The following PLXND1 variants were observed in gnomAD, a reference collection of about 807,000 sequenced individuals.
PLXND1 encodes the protein plexin-D1.
A neutral mutation model predicts 197.7 loss-of-function variants in PLXND1; 54 were observed. That is an observed-to-expected ratio of 0.27 (90% confidence interval 0.22 to 0.34). The LOEUF is 0.34. Ranked by LOEUF, PLXND1 falls within the 10% of genes least tolerant of loss-of-function variation. PLXND1 has a pLI of 1.00. For synonymous variants in PLXND1, 1,180 were observed against 1,161.2 expected, an observed-to-expected ratio of 1.02 and a Z score of -0.33; for missense variants, 2,127 against 2,699.2, an observed-to-expected ratio of 0.79 and a Z score of 4.70.
rs927216248 is a variant in PLXND1 at position 129,557,617 on chromosome 3, G to A, written c.5446-394C>T. 5.3e-5 allele frequency among the ~76,000 whole-genome samples: 8 copies of A among 152,286 alleles called. No individual in the cohort carries two copies. The highest frequency in any genetic ancestry group is 3.4e-3 in the Middle Eastern group (1 of 292). ...TGGAAGCCTGAGTGCTGGCTCAGTG[G>A]AATATTTCCCACCACATGCTCCTAA... On this transcript the variant is annotated intron_variant, in intron 33 of 35. Coordinates refer to ENST00000324093, the MANE Select transcript of PLXND1 (RefSeq NM_015103.3). The surrounding 1 kb of genome is among the most constrained non-coding windows in gnomAD (Gnocchi z 4.8).
intron 29 of PLXND1, among the ~76,000 whole-genome samples, chr3:129,561,442 G>C (rs557817053): frequency 6.6e-6 from 1 of 152,346 alleles, no homozygotes; most frequent in South Asian, 2.1e-4. Flanking sequence ...AGCTGCCGCA[G>C]GAAATCAGCT....
rs1445315536 is a variant in PLXND1, at chr3:129,573,742, C to T, written c.2689G>A (p.Glu897Lys). The change falls in exon 13 of 36, where the codon GAG becomes AAG. Residue 897 changes from glutamate to lysine, a missense_variant. Transcript: ENST00000324093. ...TCPAPEIHAI[E>K]PLSGPLDGGT... ...CCGTCCAACGGGCCACTCAGGGGCT[C>T]AATCTGCCAGGTGACCCGAGAGAGG... 9 of 1,613,078 alleles carry T rather than the reference C, an allele frequency of 5.6e-6. No homozygotes were observed. The highest frequency in any genetic ancestry group is 7.6e-6 in the Non-Finnish European group (9 of 1,179,826).
intron 1 of PLXND1, among the ~76,000 whole-genome samples, chr3:129,601,051 C>T (rs1337618403): frequency 6.6e-6 from 1 of 152,098 alleles, no homozygotes; most frequent in African/African-American, 2.4e-5. Context: ...CAGTCTGCCC[C>T]ACCTTGTTGG....
intron 1 of PLXND1, among the ~76,000 whole-genome samples, chr3:129,598,742 C>T (rs9847824): frequency 0.12 from 18,487 of 152,080 alleles, 1,375 homozygotes; most frequent in East Asian, 0.37. Context: ...CACACCCCTT[C>T]GGTCAAAGAT....
intron 24 of PLXND1, 82 bp from the exon 25 acceptor site, chr3:129,565,620 C>T (rs1482740364): frequency 4.0e-6 from 5 of 1,241,242 alleles, no homozygotes; most frequent in Admixed American, 3.9e-5. Context: ...GCCTCATCCC[C>T]GGGCCCATCG....
Position 129,565,424 on chromosome 3 carries a change from G to A in PLXND1, c.4437C>T (p.Pro1479=), listed in dbSNP as rs772292827. 6.2e-7 allele frequency: 1 copy of A among 1,614,138 alleles called. No homozygotes were observed. The highest frequency in any genetic ancestry group is 1.1e-5 in the South Asian group (1 of 91,082). Residue 1479 remains proline (P), a synonymous_variant, in exon 25 of 36, where the codon CCC becomes CCT. Coordinates refer to ENST00000324093, the MANE Select transcript of PLXND1 (RefSeq NM_015103.3). ...ACTCTGTGCGCCGCAGCATGAGCTT[G>A]GGGTTCTTGGCGGCCGAGGCGTCAA... The part of the protein sequence containing the change: ...DLIDASAAKN[P]KLMLRRTESV...
At chr3:129,578,170 G>A (rs1489958320) in intron 9 of PLXND1, among the ~76,000 whole-genome samples, 159 bp downstream of exon 9, 9 of 152,238 alleles carry the variant, frequency 5.9e-5, no homozygotes, top group Non-Finnish European at 1.0e-4. Context: ...CATGCAGAAG[G>A]TGGAAACTCA....
intron 2 of PLXND1, among the ~76,000 whole-genome samples, chr3:129,587,597 C>A (rs185538438): frequency 3.3e-5 from 5 of 152,198 alleles, no homozygotes; most frequent in African/African-American, 1.2e-4. Context: ...CCGGACACCT[C>A]CCAGGCCAGT....
chr3:129,556,676 A>ACTC lies in PLXND1; in HGVS notation c.5599_5601dup (p.Glu1867dup). The ACTC allele has an allele frequency of 1.2e-6, 2 of 1,612,544 alleles. No individual in the cohort carries two copies. Among genetic ancestry groups the ACTC allele is most frequent in the Non-Finnish European group, 1.7e-6 (2 of 1,178,956 alleles). Reference sequence around the variant, plus strand: ...TCTGCCATGGCCACATTGGTGTTGAACTCATTCTGGTATTTCTATAAGGAG... The same window carrying ACTC: ...TCTGCCATGGCCACATTGGTGTTGAACTCCTCATTCTGGTATTTCTATAAGGAG... On this transcript the variant is annotated inframe_insertion, in exon 35 of 36. Transcript: ENST00000324093.
Position 129,574,450 on chromosome 3 carries a change from G to A in PLXND1, c.2571C>T (p.Ser857=). 1 of 1,613,166 alleles carries A rather than the reference G, an allele frequency of 6.2e-7. No homozygotes were observed. The highest frequency in any genetic ancestry group is 8.5e-7 in the Non-Finnish European group (1 of 1,179,942). The change falls in exon 12 of 36, where the codon TCC becomes TCT. Residue 857 remains serine (S), a synonymous_variant. Coordinates refer to ENST00000324093, the MANE Select transcript of PLXND1 (RefSeq NM_015103.3). ...CCAGGTCTTCGCGGCCCAGGCACTG[G>A]GAACAGTCGGGGCTGCCCATGGCAC... The part of the protein sequence containing the change: ...YNCAMGSPDC[S]QCLGREDLGH...
rs1286053555 is a variant in PLXND1 at position 129,571,130 on chromosome 3, C to T, written c.3510G>A (p.Leu1170=). 5.6e-6 allele frequency: 9 copies of T among 1,614,090 alleles called. No homozygotes were observed. Among genetic ancestry groups the T allele is most frequent in the South Asian group, 2.2e-5 (2 of 91,094 alleles). ...EEAQRGSRFR[L]DYLPNPQFST... ...AGAACTGTGGGTTGGGGAGGTAGTC[C>T]AGGCGGAACCTGCTGCCCCGCTGTG... Residue 1170 remains leucine (L), a synonymous_variant, in exon 18 of 36, where the codon CTG becomes CTA. Transcript: ENST00000324093.
intron 20 of PLXND1, chr3:129,569,107 C>T (rs1229159341): frequency 6.6e-6 from 1 of 152,174 alleles, no homozygotes; most frequent in African/African-American, 2.4e-5. Flanking sequence ...AGGTGCCTGC[C>T]CATGGTGGCA....
chr3:129,563,736 T>C (rs2085097470), intron 25 of PLXND1, among the ~76,000 whole-genome samples: 1 of 152,226 alleles, frequency 6.6e-6, no homozygotes. Context: ...GTCCCTGCTC[T>C]TGCCCATCTC....
At chr3:129,583,906 C>T (rs1237390558) in intron 7 of PLXND1, among the ~76,000 whole-genome samples, 1 of 152,246 alleles carries the variant, frequency 6.6e-6, no homozygotes, top group Non-Finnish European at 1.5e-5. Flanking sequence ...AATCAAAGCA[C>T]TTTGCCCCGT....
intron 8 of PLXND1, among the ~76,000 whole-genome samples, chr3:129,579,177 G>C (rs531878828): frequency 1.3e-5 from 2 of 152,118 alleles, no homozygotes; most frequent in African/African-American, 4.8e-5. Flanking sequence ...GGGAGGGAAG[G>C]AAAGAAGGAA....
intron 1 of PLXND1, among the ~76,000 whole-genome samples, chr3:129,593,689 C>T (rs754717498): frequency 1.3e-4 from 20 of 152,248 alleles, no homozygotes; most frequent in Non-Finnish European, 2.8e-4. Context: ...GAGAGCAACA[C>T]GGCCATGCTG....
chr3:129,566,920 G>C (rs879240414), intron 22 of PLXND1, among the ~76,000 whole-genome samples: 1 of 152,240 alleles, frequency 6.6e-6, no homozygotes, highest in South Asian at 2.1e-4. Context: ...GCCTGAGGCT[G>C]GGAAAAGCTA....
rs1440350287 is a variant in PLXND1 at position 129,577,063 on chromosome 3, C to T, written c.2347-1208G>A. The stretch of plus-strand genomic sequence containing the variant: ...TCTGGGGTCCCAGCCCGGAAGCTAA[C>T]ACAGGAAAGTGGCTGCTGACGGGGC... On this transcript the variant is annotated intron_variant, in intron 9 of 35. Coordinates refer to ENST00000324093, the MANE Select transcript of PLXND1 (RefSeq NM_015103.3). The surrounding 1 kb of genome is among the most constrained non-coding windows in gnomAD (Gnocchi z 5.0). 6.6e-6 allele frequency among the ~76,000 whole-genome samples: 1 copy of T among 152,194 alleles called. No homozygotes were observed. The highest frequency in any genetic ancestry group is 2.4e-5 in the African/African-American group (1 of 41,448).
intron 1 of PLXND1, among the ~76,000 whole-genome samples, chr3:129,595,104 C>CA (rs202100952): frequency 0.04 from 6,071 of 152,278 alleles, 383 homozygotes; most frequent in African/African-American, 0.14. Context: ...TGAGTGGAGC[C>CA]CATGTGGCAC....
Sources: gnomAD v4.1 joint callset for allele counts (sites outside exome capture counted in the v4.1 genomes callset) on GRCh38, gnomAD v4.1.1 for gene constraint, Gnocchi (gnomAD v3.1) non-coding constraint, MANE v1.5 for transcripts, NCBI Gene and HGNC (gene_info 2026-07-23, HGNC 2026-07-21) for gene names.